The following CLDN14 variants were observed in gnomAD, a reference collection of about 807,000 sequenced individuals.
CLDN14 encodes the protein claudin 14.
CLDN14 carries 2 observed loss-of-function variants against 2.1 expected under a neutral mutation model. That is an observed-to-expected ratio of 0.96 (90% CI 0.39 to 3.01). The LOEUF is 3.01. Ranked by LOEUF, CLDN14 falls within the 30% of genes most tolerant of loss-of-function variation. The pLI is 0.09. For synonymous variants in CLDN14, 136 were observed against 154.4 expected (o/e 0.88, Z 0.88); for missense variants, 298 against 328.0 (o/e 0.91, Z 0.71).
chr21:36,537,813 C>A (rs1453483681), intron 1 of CLDN14, among the ~76,000 whole-genome samples: 1 of 152,092 alleles, frequency 6.6e-6, no homozygotes, highest in Non-Finnish European at 1.5e-5. Flanking sequence ...CCACGCCTGA[C>A]TAATTTTTGT....
At chr21:36,462,282 A>G (rs750874131) in intron 1 of CLDN14, among the ~76,000 whole-genome samples, 1 of 152,154 alleles carries the variant, frequency 6.6e-6, no homozygotes, top group Non-Finnish European at 1.5e-5. Flanking sequence ...GGCAAGTCAG[A>G]TGCTGCCTTC....
At chr21:36,573,080 T>C (rs1206278070) in intron 1 of CLDN14, among the ~76,000 whole-genome samples, 2 of 152,152 alleles carry the variant, frequency 1.3e-5, no homozygotes, top group Non-Finnish European at 2.9e-5. Context: ...GGCAGGTGGA[T>C]CACGAGGTCA....
At chr21:36,500,246 G>A (rs531192834) in intron 2 of CLDN14, among the ~76,000 whole-genome samples, 8 of 152,160 alleles carry the variant, frequency 5.3e-5, no homozygotes, top group East Asian at 3.9e-4. Flanking sequence ...CCCTGTACCC[G>A]CCCTCTCAGC....
At chr21:36,503,303 C>A (rs1313741816) in intron 2 of CLDN14, among the ~76,000 whole-genome samples, 1 of 152,186 alleles carries the variant, frequency 6.6e-6, no homozygotes, top group Non-Finnish European at 1.5e-5. Context: ...ATCCACCTGC[C>A]TTGCCCTCCC....
At position 36,557,413 on chromosome 21, in the gene CLDN14, G is replaced by A. The variant is rs1373887984; in HGVS notation, c.-220+18998C>T. ...AAAACATTTTACATTTCCACCAAGAGTGAACAAGCGTTCCAACTTCTCCAC... is the reference window on the plus strand; with the variant it reads ...AAAACATTTTACATTTCCACCAAGAATGAACAAGCGTTCCAACTTCTCCAC... On this transcript the variant is annotated intron_variant, in intron 1 of 2. Coordinates refer to the CLDN14 transcript ENST00000342108. 2.0e-5 allele frequency among the ~76,000 whole-genome samples: 3 copies of A among 152,098 alleles called. No individual in the cohort carries two copies. In the East Asian group the frequency reaches 5.8e-4, roughly 29 times the overall value.
intron 1 of CLDN14, among the ~76,000 whole-genome samples, chr21:36,536,899 A>C (rs1431627087): frequency 6.6e-6 from 1 of 152,136 alleles, no homozygotes; most frequent in Non-Finnish European, 1.5e-5. Flanking sequence ...TGCTCAACTA[A>C]AAAAACCTGG....
intron 1 of CLDN14, among the ~76,000 whole-genome samples, chr21:36,555,586 G>A (rs2087592929): frequency 6.6e-6 from 1 of 152,164 alleles, no homozygotes; most frequent in African/African-American, 2.4e-5. Flanking sequence ...AGTTGGTGAG[G>A]AATTTTTCCA....
At chr21:36,556,569 C>T (rs562552453) in intron 1 of CLDN14, among the ~76,000 whole-genome samples, 9 of 152,252 alleles carry the variant, frequency 5.9e-5, no homozygotes, top group East Asian at 1.9e-4. Flanking sequence ...CTTTCCTCTA[C>T]GAAGAAAACA....
At position 36,551,711 on chromosome 21, in the gene CLDN14, C is replaced by A. The variant is rs2087564696; in HGVS notation, c.-220+24700G>T. Among the ~76,000 whole-genome samples the A allele has an allele frequency of 6.6e-6, 1 of 152,144 alleles. No individual in the cohort carries two copies. The highest frequency in any genetic ancestry group is 1.5e-5 in the Non-Finnish European group (1 of 68,036). On this transcript the variant is annotated intron_variant, in intron 1 of 2. Transcript: ENST00000342108. This position sits in a 1 kb window ranked among gnomAD's most constrained non-coding sequence, Gnocchi z 4.8. ...GCTCCAAGTGCCATCTCTAGGTTAG[C>A]TGTGCTGTAGGATCACAGCAGGGGG...
intron 1 of CLDN14, among the ~76,000 whole-genome samples, chr21:36,557,656 GA>G (rs1305361927): frequency 6.6e-6 from 1 of 152,190 alleles, no homozygotes; most frequent in African/African-American, 2.4e-5. Context: ...CTATTGGGTT[GA>G]AAGAGTTCTC....
chr21:36,548,823 A>G (rs917142761), intron 1 of CLDN14, among the ~76,000 whole-genome samples: 1 of 152,258 alleles, frequency 6.6e-6, no homozygotes, highest in African/African-American at 2.4e-5. Flanking sequence ...CCCCTTCCAC[A>G]CTGACCCATG....
At chr21:36,500,819 T>A (rs1264876783) in intron 2 of CLDN14, among the ~76,000 whole-genome samples, 1 of 152,244 alleles carries the variant, frequency 6.6e-6, no homozygotes, top group African/African-American at 2.4e-5. Context: ...AAGTTGCCGA[T>A]TCTTTCTCAT....
chr21:36,561,926 A>C (rs888331451), intron 1 of CLDN14, among the ~76,000 whole-genome samples: 1 of 130,520 alleles, frequency 7.7e-6, no homozygotes, highest in African/African-American at 2.7e-5. Context: ...AGATTGAAGG[A>C]ACCCTTTCTC....
At position 36,468,791 on chromosome 21, in the gene CLDN14, G is replaced by T. The variant is rs565491593; in HGVS notation, c.-81-7015C>A. ...TCTTTTTTTTTTGAGACAGAATCTCGCTCTGTCACCCAGGCTGGAGTACAG... is the reference window on the plus strand; with the variant it reads ...TCTTTTTTTTTTGAGACAGAATCTCTCTCTGTCACCCAGGCTGGAGTACAG... On this transcript the variant is annotated intron_variant, in intron 1 of 1. Coordinates refer to ENST00000399135, the MANE Select transcript of CLDN14 (RefSeq NM_001146079.2). Among the ~76,000 whole-genome samples the T allele has an allele frequency of 1.3e-3, 191 of 145,860 alleles. 1 individual carries two copies. Among genetic ancestry groups the T allele is most frequent in the Non-Finnish European group, 2.4e-3 (160 of 66,996 alleles).
chr21:36,462,465 G>C (rs2086590680), intron 1 of CLDN14, among the ~76,000 whole-genome samples: 1 of 152,308 alleles, frequency 6.6e-6, no homozygotes, highest in African/African-American at 2.4e-5. Context: ...CTTGTGACTG[G>C]TGAGGGCTGT....
rs1043400589 is a variant in CLDN14, at chr21:36,544,041, C to T, written c.-220+32370G>A. ...ATGGATTCAACCGTCTGTGCTGAGC[C>T]GCACCTGCACTGGCTGAATTGCTAG... is the stretch of plus-strand genomic sequence containing the variant. On this transcript the variant is annotated intron_variant, in intron 1 of 2. Coordinates refer to the CLDN14 transcript ENST00000342108. The surrounding 1 kb of genome is among the most constrained non-coding windows in gnomAD (Gnocchi z 4.1). 3.3e-5 allele frequency among the ~76,000 whole-genome samples: 5 copies of T among 152,228 alleles called. No individual in the cohort carries two copies. The highest frequency in any genetic ancestry group is 2.1e-4 in the South Asian group (1 of 4,826).
chr21:36,467,311 T>A (rs1367153178), intron 1 of CLDN14, among the ~76,000 whole-genome samples: 3 of 152,160 alleles, frequency 2.0e-5, no homozygotes, highest in Non-Finnish European at 4.4e-5. Context: ...AAATTAATCA[T>A]CATTTCAACA....
upstream of CLDN14, among the ~76,000 whole-genome samples, chr21:36,482,494 G>A (rs1222093746): frequency 6.6e-6 from 1 of 152,030 alleles, no homozygotes; most frequent in African/African-American, 2.4e-5. Context: ...GATCTCAACT[G>A]GTCTTTGAAG....
intron 1 of CLDN14, among the ~76,000 whole-genome samples, chr21:36,471,363 A>G (rs1028170225): frequency 6.6e-6 from 1 of 152,208 alleles, no homozygotes; most frequent in African/African-American, 2.4e-5. Context: ...AACACAATCT[A>G]TAGTAAGTAA....
Sources: gnomAD v4.1 joint callset for allele counts (sites outside exome capture counted in the v4.1 genomes callset) on GRCh38, gnomAD v4.1.1 for gene constraint, Gnocchi (gnomAD v3.1) non-coding constraint, MANE v1.5 for transcripts, NCBI Gene and HGNC (gene_info 2026-07-23, HGNC 2026-07-21) for gene names.